The following SPIDR variants were observed in gnomAD, a reference collection of about 807,000 sequenced individuals.
SPIDR encodes DNA repair-scaffolding protein.
SPIDR carries 93 observed loss-of-function variants against 104.6 expected under a neutral mutation model. The observed-to-expected ratio is 0.89, with a 90% CI of 0.75 to 1.06. The LOEUF is 1.06. Ranked by LOEUF, SPIDR falls within the 50% of genes least tolerant of loss-of-function variation. The probability of loss-of-function intolerance (pLI) is 0.00; values close to 1 mark genes in which losing one functional copy is unlikely to be tolerated. For synonymous variants in SPIDR, 431 were observed against 416.9 expected, an observed-to-expected ratio of 1.03 and a Z score of -0.41; for missense variants, 1,154 against 1,111.2, an observed-to-expected ratio of 1.04 and a Z score of -0.55.
At chr8:47,365,771 G>C (rs1330574371) in intron 5 of SPIDR, among the ~76,000 whole-genome samples, 2 of 152,122 alleles carry the variant, frequency 1.3e-5, no homozygotes, top group Admixed American at 1.3e-4. Context: ...AAGGGTGGAT[G>C]ACCTATTTTA....
chr8:47,261,132 G>T (rs2032073284), intron 1 of SPIDR, 141 bp downstream of exon 1: 2 of 1,010,896 alleles, frequency 2.0e-6, no homozygotes, highest in Admixed American at 4.5e-5. Context: ...GGCGGGTCCC[G>T]TCTGCGCGCG....
intron 8 of SPIDR, among the ~76,000 whole-genome samples, chr8:47,466,910 TATATAGATAGATAG>T (rs1241910995): frequency 2.4e-5 from 3 of 125,868 alleles, no homozygotes; most frequent in Non-Finnish European, 4.8e-5. Flanking sequence ...AATATATATA[TATATAGATAGATAG>T]ATAGATAGAT....
At chr8:47,560,511 A>T (rs1482595978) in intron 8 of SPIDR, among the ~76,000 whole-genome samples, 2 of 152,306 alleles carry the variant, frequency 1.3e-5, no homozygotes, top group East Asian at 1.9e-4. Flanking sequence ...TTATAAGTTC[A>T]GACTGTAGAA....
rs200654856 is a variant in SPIDR, at chr8:47,673,784, T to A, written c.1545-17T>A. ...CAAACTGCCTCCTCAAAGACAAATG[T>A]GAATGGTTTTTTACAGAGCCTGCCT... is the stretch of plus-strand genomic sequence containing the variant. On this transcript the variant is annotated splice_polypyrimidine_tract_variant and intron_variant, in intron 10 of 19. Coordinates refer to ENST00000297423, the MANE Select transcript of SPIDR (RefSeq NM_001080394.4). The A allele has an allele frequency of 1.2e-6, 2 of 1,613,970 alleles. No homozygotes were observed. Among genetic ancestry groups the A allele is most frequent in the Non-Finnish European group, 8.5e-7 (1 of 1,179,964 alleles).
intron 8 of SPIDR, chr8:47,511,040 A>C: frequency 1.2e-6 from 1 of 856,060 alleles, no homozygotes; most frequent in South Asian, 1.3e-5. Flanking sequence ...AGTTAGGTTC[A>C]CCACTGCATG....
chr8:47,593,138 G>A (rs1425717972), intron 8 of SPIDR, among the ~76,000 whole-genome samples: 1 of 151,960 alleles, frequency 6.6e-6, no homozygotes, highest in Non-Finnish European at 1.5e-5. Flanking sequence ...CGCCCGCCTC[G>A]GCCTCCCAAA....
At chr8:47,356,270 C>G (rs2054521312) in intron 5 of SPIDR, among the ~76,000 whole-genome samples, 2 of 152,174 alleles carry the variant, frequency 1.3e-5, no homozygotes, top group Admixed American at 1.3e-4. Context: ...TTAAATTTCT[C>G]TACTTTTATG....
intron 8 of SPIDR, among the ~76,000 whole-genome samples, chr8:47,502,326 T>C (rs1586777802): frequency 1.3e-5 from 2 of 152,344 alleles, no homozygotes; most frequent in East Asian, 3.9e-4. Context: ...GAGCCTGTTA[T>C]TGGTCTATTC....
chr8:47,437,200 C>T (rs2068495097), intron 7 of SPIDR, among the ~76,000 whole-genome samples: 1 of 151,100 alleles, frequency 6.6e-6, no homozygotes, highest in South Asian at 2.1e-4. Context: ...CCCGCTAACT[C>T]GTCATCTAGC....
intron 9 of SPIDR, among the ~76,000 whole-genome samples, chr8:47,596,340 G>A (rs1286617663): frequency 2.0e-5 from 3 of 152,114 alleles, no homozygotes; most frequent in South Asian, 2.1e-4. Context: ...CCATCATAGC[G>A]TGCACTTACA....
intron 5 of SPIDR, among the ~76,000 whole-genome samples, chr8:47,393,133 A>G (rs2060806430): frequency 6.6e-6 from 1 of 152,208 alleles, no homozygotes; most frequent in South Asian, 2.1e-4. Flanking sequence ...CTGCAGAGCC[A>G]CTGCCTGTTG....
intron 8 of SPIDR, among the ~76,000 whole-genome samples, chr8:47,515,511 A>G (rs977325048): frequency 3.9e-5 from 6 of 152,180 alleles, no homozygotes; most frequent in Admixed American, 2.0e-4. Context: ...ACTGTCCCCA[A>G]GGATCCTTGG....
chr8:47,527,111 G>C (rs1313022442), intron 8 of SPIDR, among the ~76,000 whole-genome samples: 1 of 152,146 alleles, frequency 6.6e-6, no homozygotes, highest in Non-Finnish European at 1.5e-5. Context: ...AACCCTGCTA[G>C]GTTCTCACTG....
At chr8:47,412,583 A>G (rs1554672578) in intron 7 of SPIDR, among the ~76,000 whole-genome samples, 1 of 152,196 alleles carries the variant, frequency 6.6e-6, no homozygotes, top group Non-Finnish European at 1.5e-5. Context: ...TCTGGCCAAC[A>G]TGGGCTACAG....
At chr8:47,534,218 T>C (rs1298973935) in intron 8 of SPIDR, among the ~76,000 whole-genome samples, 1 of 152,226 alleles carries the variant, frequency 6.6e-6, no homozygotes, top group Non-Finnish European at 1.5e-5. Context: ...ACCTCTTCTC[T>C]TCATAAATTT....
chr8:47,353,120 G>C (rs868947287), intron 5 of SPIDR, among the ~76,000 whole-genome samples: 4 of 142,556 alleles, frequency 2.8e-5, no homozygotes, highest in Middle Eastern at 3.6e-3. Flanking sequence ...ACTTAATTTT[G>C]TTAAATTTTT....
At chr8:47,695,461 G>T (rs1025675953) in intron 11 of SPIDR, among the ~76,000 whole-genome samples, 2 of 152,084 alleles carry the variant, frequency 1.3e-5, no homozygotes, top group Non-Finnish European at 2.9e-5. Flanking sequence ...GTTTTCTGTT[G>T]TCCACAGCAC....
chr8:47,396,314 G>A (rs2061238608), intron 5 of SPIDR, 62 bp from the exon 6 acceptor site: 1 of 1,349,430 alleles, frequency 7.4e-7, no homozygotes, highest in Admixed American at 1.9e-5. Context: ...GTATATAAAT[G>A]TGGACTTGAA....
At chr8:47,353,524 C>T (rs1362022377) in intron 5 of SPIDR, among the ~76,000 whole-genome samples, 3 of 151,980 alleles carry the variant, frequency 2.0e-5, no homozygotes, top group East Asian at 3.9e-4. Flanking sequence ...GAGGCCAGAG[C>T]GTAGGTTTAG....
Sources: allele counts gnomAD v4.1 joint callset (sites outside exome capture counted in the v4.1 genomes callset), GRCh38; gene constraint gnomAD v4.1.1; transcripts MANE v1.5; gene names NCBI Gene and HGNC (gene_info 2026-07-23, HGNC 2026-07-21).